FBXO34: variants seen among roughly 807,000 people sequenced by gnomAD.
The protein encoded by FBXO34 is F-box only protein 34.
A neutral mutation model predicts 24.5 loss-of-function variants in FBXO34; 12 were observed. That is an observed-to-expected ratio of 0.49 (90% CI 0.31 to 0.79). FBXO34 has a LOEUF of 0.79. FBXO34 is among the 30% of genes least tolerant of loss of function. FBXO34 has a pLI of 0.04. For missense variants in FBXO34, 823 were observed against 857.7 expected (o/e 0.96, Z 0.51); for synonymous variants, 320 against 311.9 (o/e 1.03, Z -0.27).
chr14:55,355,576 T>A (rs1884510317), downstream of FBXO34, among the ~76,000 whole-genome samples: 1 of 152,228 alleles, frequency 6.6e-6, no homozygotes, highest in Non-Finnish European at 1.5e-5. Context: ...AATACAAGCA[T>A]AACAACTGTT....
Position 55,351,165 on chromosome 14 carries a change from G to A in FBXO34, c.775G>A (p.Glu259Lys). The A allele has an allele frequency of 1.9e-6, 3 of 1,614,172 alleles. No individual in the cohort carries two copies. Among genetic ancestry groups the A allele is most frequent in the Non-Finnish European group, 2.5e-6 (3 of 1,180,038 alleles). The change falls in exon 2 of 2, where the codon GAA becomes AAA. Residue 259 changes from glutamate to lysine, a missense_variant. This residue lies in a region of FBXO34 where 693 missense variants were observed against 659.1 expected (regional missense o/e 1.05). Coordinates refer to ENST00000313833, the MANE Select transcript of FBXO34 (RefSeq NM_017943.4). ...GTCCTATTCTGCCCCAGGAGCTTGTGAAGAACCCACAGAAAGGGGAAATCT... is the reference window on the plus strand; with the variant it reads ...GTCCTATTCTGCCCCAGGAGCTTGTAAAGAACCCACAGAAAGGGGAAATCT... Reference protein sequence around the residue: ...SESYSAPGACEEPTERGNLEV... With the variant: ...SESYSAPGACKEPTERGNLEV...
At chr14:55,340,424 G>A (rs1040649986) in intron 1 of FBXO34, among the ~76,000 whole-genome samples, 2 of 151,448 alleles carry the variant, frequency 1.3e-5, no homozygotes, top group Non-Finnish European at 2.9e-5. Context: ...TTTGAATGGG[G>A]GTGGTACATA....
the FBXO34 span, chr14:55,396,047 G>A: frequency 1.6e-6 from 2 of 1,286,314 alleles, no homozygotes; most frequent in Non-Finnish European, 2.2e-6. Flanking sequence ...GTTCAAAAAT[G>A]TAAAATCAAA....
chr14:55,429,864 T>C, the FBXO34 span, among the ~76,000 whole-genome samples: 1 of 150,716 alleles, frequency 6.6e-6, no homozygotes, highest in Non-Finnish European at 1.5e-5. Flanking sequence ...TATGTGCTGA[T>C]TGAGTGGCAC....
intron 1 of FBXO34, among the ~76,000 whole-genome samples, chr14:55,291,282 A>G (rs1566542522): frequency 6.6e-6 from 1 of 152,208 alleles, no homozygotes; most frequent in Non-Finnish European, 1.5e-5. Context: ...GGGTAGCTCT[A>G]ATTTGCCTGA....
At chr14:55,281,235 C>T (rs1329923012) in intron 1 of FBXO34, among the ~76,000 whole-genome samples, 1 of 118,634 alleles carries the variant, frequency 8.4e-6, no homozygotes, top group Non-Finnish European at 1.6e-5. Context: ...GCCTGGATGA[C>T]AGAGTGAGAC....
At chr14:55,425,498 T>C in the FBXO34 span, among the ~76,000 whole-genome samples, 1 of 152,230 alleles carries the variant, frequency 6.6e-6, no homozygotes, top group East Asian at 1.9e-4. Flanking sequence ...AGATTACCAG[T>C]ATAATGTGCT....
chr14:55,439,069 C>G, the FBXO34 span, among the ~76,000 whole-genome samples: 1 of 151,782 alleles, frequency 6.6e-6, no homozygotes, highest in African/African-American at 2.4e-5. Flanking sequence ...TCCCGAGTAG[C>G]TGGGACTACA....
At chr14:55,392,173 G>A in the FBXO34 span, among the ~76,000 whole-genome samples, 21 of 152,146 alleles carry the variant, frequency 1.4e-4, no homozygotes, top group Non-Finnish European at 2.2e-4. Flanking sequence ...AATAGAGTTC[G>A]CACTCCTATG....
chr14:55,340,995 T>G (rs1302694146), intron 1 of FBXO34, among the ~76,000 whole-genome samples: 1 of 152,162 alleles, frequency 6.6e-6, no homozygotes, highest in South Asian at 2.1e-4. Flanking sequence ...TATGTTTACA[T>G]AAAAATACAT....
the FBXO34 span, among the ~76,000 whole-genome samples, chr14:55,384,984 G>A: frequency 6.6e-6 from 1 of 152,200 alleles, no homozygotes; most frequent in South Asian, 2.1e-4. Context: ...CCACTGTCCT[G>A]TCTGTCCCAC....
intron 1 of FBXO34, among the ~76,000 whole-genome samples, chr14:55,309,446 T>G (rs1882661536): frequency 6.6e-6 from 1 of 152,230 alleles, no homozygotes. Context: ...TATGATTATT[T>G]GGATATCCTT....
chr14:55,411,828 C>A, the FBXO34 span: 1 of 1,584,628 alleles, frequency 6.3e-7, no homozygotes, highest in Non-Finnish European at 8.6e-7. Context: ...GCCATGATGG[C>A]CTGAGAGGAG....
Position 55,352,604 on chromosome 14 carries a change from C to T in FBXO34, c.*78C>T. The stretch of plus-strand genomic sequence containing the variant: ...AGATACACCGTTCAAATGAGCGTAG[C>T]CCCCTGAGTCATCACTCTAGAAGAA... On this transcript the variant is annotated 3_prime_UTR_variant, in exon 2 of 2. Transcript: ENST00000313833. The T allele has an allele frequency of 1.7e-6, 2 of 1,166,132 alleles. No homozygotes were observed. The highest frequency in any genetic ancestry group is 2.4e-6 in the Non-Finnish European group (2 of 834,314). 72.2% of individuals were successfully genotyped at this position (1,166,132 alleles called of 1,614,324 possible). A position where few individuals can be genotyped will look rare whatever the true frequency, so the allele number is the denominator to read the frequency against.
the FBXO34 span, chr14:55,428,929 C>A: frequency 6.2e-7 from 1 of 1,614,152 alleles, no homozygotes; most frequent in Non-Finnish European, 8.5e-7. Context: ...CAAGCTTCTG[C>A]ACCACACGAG....
At chr14:55,320,287 C>T (rs1029289758) in intron 1 of FBXO34, among the ~76,000 whole-genome samples, 2 of 152,060 alleles carry the variant, frequency 1.3e-5, no homozygotes, top group East Asian at 1.9e-4. Context: ...TTTGTCAAGG[C>T]GACGGTGATT....
chr14:55,413,597 G>C, the FBXO34 span: 1 of 442,266 alleles, frequency 2.3e-6, no homozygotes, highest in Non-Finnish European at 4.5e-6. Flanking sequence ...AGCAGCCCAG[G>C]CTCCCTCCAT....
chr14:55,354,089 G>A (rs907662685), downstream of FBXO34, among the ~76,000 whole-genome samples: 2 of 152,196 alleles, frequency 1.3e-5, no homozygotes, highest in African/African-American at 4.8e-5. Flanking sequence ...GAGGCGCTGT[G>A]CTGGGCTGAT....
At chr14:55,272,161 C>G (rs534638287) in intron 1 of FBXO34, 2 of 152,278 alleles carry the variant, frequency 1.3e-5, no homozygotes, top group Admixed American at 6.6e-5. Context: ...TGGGATGTCA[C>G]TGCAGGCCCG....
Sources: gnomAD v4.1 joint callset for allele counts (sites outside exome capture counted in the v4.1 genomes callset) on GRCh38, gnomAD v4.1.1 for gene constraint, gnomAD v4.1.1 regional missense constraint, MANE v1.5 for transcripts, NCBI Gene and HGNC (gene_info 2026-07-23, HGNC 2026-07-21) for gene names.